The following MNAT1 variants were observed in gnomAD, a reference collection of about 807,000 sequenced individuals.
MNAT1 encodes the protein MNAT1 component of CDK activating kinase.
In MNAT1, 43 loss-of-function variants were observed where a neutral mutation model predicts 42.0. The observed-to-expected ratio is 1.02, with a 90% CI of 0.80 to 1.32. MNAT1 has a LOEUF of 1.32. Ranked by LOEUF, MNAT1 falls within the 40% of genes most tolerant of loss-of-function variation. The pLI is 0.00. For missense variants in MNAT1, 306 were observed against 350.4 expected, an observed-to-expected ratio of 0.87 and a Z score of 1.01; for synonymous variants, 118 against 120.0, an observed-to-expected ratio of 0.98 and a Z score of 0.11.
chr14:60,930,247 T>TA (rs1555336829), intron 7 of MNAT1, among the ~76,000 whole-genome samples: 3 of 147,848 alleles, frequency 2.0e-5, no homozygotes, highest in East Asian at 2.0e-4. Context: ...TTATTATTAT[T>TA]TGAGTCTATT....
intron 6 of MNAT1, among the ~76,000 whole-genome samples, chr14:60,871,596 C>T (rs1312273614): frequency 6.6e-6 from 1 of 151,240 alleles, no homozygotes; most frequent in African/African-American, 2.4e-5. Flanking sequence ...TTAATTGGGT[C>T]ATTTTGTCTT....
At chr14:60,788,902 A>G (rs539502214) in intron 1 of MNAT1, among the ~76,000 whole-genome samples, 1 of 152,288 alleles carries the variant, frequency 6.6e-6, no homozygotes, top group Admixed American at 6.5e-5. Flanking sequence ...TATAAATGAT[A>G]AGACTGTTTT....
chr14:60,968,361 A>T lies in MNAT1; in HGVS notation c.*12A>T. ...GGCAGCCCAGTTAACCATTTATAAG[A>T]TTTGGACCTTGGAGCTGAACCAGGG... On this transcript the variant is annotated 3_prime_UTR_variant, in exon 8 of 8. Transcript: ENST00000261245. 1 of 1,606,038 alleles carries T rather than the reference A, an allele frequency of 6.2e-7. No homozygotes were observed. Among genetic ancestry groups the T allele is most frequent in the South Asian group, 1.1e-5 (1 of 89,752 alleles).
intron 1 of MNAT1, among the ~76,000 whole-genome samples, chr14:60,775,140 GAGAA>G (rs1410383814): frequency 6.6e-6 from 1 of 152,176 alleles, no homozygotes; most frequent in African/African-American, 2.4e-5. Flanking sequence ...AAAAGAAACA[GAGAA>G]AGAGAGACAG....
At position 60,820,740 on chromosome 14, in the gene MNAT1, A is replaced by G. The variant is rs192171450; in HGVS notation, c.687+1893A>G. Among the ~76,000 whole-genome samples the G allele has an allele frequency of 8.5e-5, 13 of 152,228 alleles. No homozygotes were observed. In the East Asian group the frequency reaches 2.1e-3, roughly 25 times the overall value. ...TCTCTATTCATCTGTGTACCCCATAATCTAGTCTATAAGCCTTTGGGTGGT... is the reference window on the plus strand; with the variant it reads ...TCTCTATTCATCTGTGTACCCCATAGTCTAGTCTATAAGCCTTTGGGTGGT... On this transcript the variant is annotated intron_variant, in intron 6 of 7. Transcript: ENST00000261245.
At chr14:60,779,957 C>T in intron 1 of MNAT1, 1 of 1,506,590 alleles carries the variant, frequency 6.6e-7, no homozygotes, top group Middle Eastern at 1.7e-4. Flanking sequence ...TGTTTGTGTC[C>T]CTGGCCATGT....
At chr14:60,750,495 G>C (rs928301612) in intron 1 of MNAT1, among the ~76,000 whole-genome samples, 1 of 145,898 alleles carries the variant, frequency 6.9e-6, no homozygotes, top group Non-Finnish European at 1.5e-5. Flanking sequence ...CTCCCAAAGT[G>C]CTGGGATTAC....
At chr14:60,736,989 C>G (rs966189616) in intron 1 of MNAT1, among the ~76,000 whole-genome samples, 6 of 152,088 alleles carry the variant, frequency 3.9e-5, no homozygotes, top group African/African-American at 4.8e-5. Flanking sequence ...TAAATGATTT[C>G]AGTACACTAT....
intron 7 of MNAT1, among the ~76,000 whole-genome samples, chr14:60,897,343 G>A (rs1313930422): frequency 1.3e-5 from 2 of 151,898 alleles, no homozygotes; most frequent in African/African-American, 4.8e-5. Context: ...TATGCATTAT[G>A]TAAATACATA....
chr14:60,911,479 C>G (rs1308167349), intron 7 of MNAT1, among the ~76,000 whole-genome samples: 3 of 152,118 alleles, frequency 2.0e-5, no homozygotes, highest in Non-Finnish European at 1.5e-5. Flanking sequence ...AAAGTTCCCT[C>G]TACACACTGC....
chr14:60,847,854 C>G (rs779179198), intron 6 of MNAT1, among the ~76,000 whole-genome samples: 10 of 152,002 alleles, frequency 6.6e-5, no homozygotes, highest in Non-Finnish European at 1.3e-4. Flanking sequence ...CATTCCTTTT[C>G]CTCTCCTGGA....
At chr14:60,921,118 A>G (rs1329147153) in intron 7 of MNAT1, among the ~76,000 whole-genome samples, 2 of 152,226 alleles carry the variant, frequency 1.3e-5, no homozygotes, top group African/African-American at 4.8e-5. Context: ...ACAATAAGGA[A>G]AACATAAACC....
intron 7 of MNAT1, among the ~76,000 whole-genome samples, chr14:60,925,192 G>A (rs990008411): frequency 6.6e-6 from 1 of 152,094 alleles, no homozygotes; most frequent in Admixed American, 6.5e-5. Context: ...TTTATAATAC[G>A]TTGTATTAGG....
intron 7 of MNAT1, among the ~76,000 whole-genome samples, chr14:60,958,593 C>A (rs1201898952): frequency 8.8e-5 from 8 of 90,792 alleles, no homozygotes; most frequent in Non-Finnish European, 1.9e-4. Context: ...GTATTTCTTT[C>A]TCTTTCTCTT....
chr14:60,741,030 CTCTT>C, intron 1 of MNAT1, among the ~76,000 whole-genome samples: 1 of 152,226 alleles, frequency 6.6e-6, no homozygotes, highest in East Asian at 1.9e-4. Flanking sequence ...TTTTGGAACT[CTCTT>C]GTTGGGTACA....
At chr14:60,749,500 A>G (rs2029982723) in intron 1 of MNAT1, among the ~76,000 whole-genome samples, 1 of 152,192 alleles carries the variant, frequency 6.6e-6, no homozygotes, top group South Asian at 2.1e-4. Flanking sequence ...GCTACTTATT[A>G]TTAGCTATGA....
intron 4 of MNAT1, 64 bp from the exon 5 acceptor site, chr14:60,811,921 AGT>A (rs1488844889): frequency 3.4e-5 from 41 of 1,206,096 alleles, no homozygotes; most frequent in Middle Eastern, 2.0e-4. Context: ...AAAGTATTAG[AGT>A]GTGGTATATG....
At chr14:60,914,050 G>A (rs1566553774) in intron 7 of MNAT1, among the ~76,000 whole-genome samples, 1 of 152,200 alleles carries the variant, frequency 6.6e-6, no homozygotes, top group Non-Finnish European at 1.5e-5. Flanking sequence ...CAGCCTCGCT[G>A]CCGCCTTGCA....
intron 1 of MNAT1, among the ~76,000 whole-genome samples, chr14:60,784,243 C>G (rs570023483): frequency 1.5e-4 from 20 of 129,860 alleles, no homozygotes; most frequent in Non-Finnish European, 2.1e-4. Context: ...AGGCTGGTCT[C>G]AAACTCCTGA....
Sources: gnomAD v4.1 joint callset for allele counts (sites outside exome capture counted in the v4.1 genomes callset) on GRCh38, gnomAD v4.1.1 for gene constraint, MANE v1.5 for transcripts, NCBI Gene and HGNC (gene_info 2026-07-23, HGNC 2026-07-21) for gene names.